The following CABIN1 variants were observed in gnomAD, a reference collection of about 807,000 sequenced individuals.
CABIN1 encodes calcineurin-binding protein cabin-1.
CABIN1 carries 133 observed loss-of-function variants against 227.7 expected under a neutral mutation model. The observed-to-expected ratio is 0.58, with a 90% confidence interval of 0.51 to 0.67. The LOEUF is 0.67. Ranked by LOEUF, CABIN1 falls within the 30% of genes least tolerant of loss-of-function variation. The probability of loss-of-function intolerance (pLI) is 0.00; values close to 1 mark genes in which losing one functional copy is unlikely to be tolerated. For synonymous variants in CABIN1, 1,086 were observed against 1,155.1 expected (o/e 0.94, Z 1.21); for missense variants, 2,408 against 2,852.5 (o/e 0.84, Z 3.55).
chr22:24,094,622 C>T (rs1294552241), intron 24 of CABIN1, among the ~76,000 whole-genome samples: 3 of 150,972 alleles, frequency 2.0e-5, no homozygotes, highest in Non-Finnish European at 4.4e-5. Context: ...TCGAGACCAT[C>T]CTGGCTAACA....
intron 1 of CABIN1, among the ~76,000 whole-genome samples, chr22:24,034,958 T>C (rs1985732374): frequency 6.6e-6 from 1 of 152,214 alleles, no homozygotes; most frequent in African/African-American, 2.4e-5. Flanking sequence ...ACATCCCTGC[T>C]CTAAGGCCTT....
intron 28 of CABIN1, among the ~76,000 whole-genome samples, chr22:24,123,772 A>C (rs2043557274): frequency 1.3e-5 from 2 of 152,350 alleles, no homozygotes; most frequent in South Asian, 2.1e-4. Flanking sequence ...TTTGTTAACA[A>C]ACACTTCCCG....
chr22:24,154,298 G>T (rs2045655463), intron 29 of CABIN1, among the ~76,000 whole-genome samples: 1 of 152,172 alleles, frequency 6.6e-6, no homozygotes, highest in Non-Finnish European at 1.5e-5. Context: ...ACAGCCCTGT[G>T]GACAGCCGGG....
intron 1 of CABIN1, among the ~76,000 whole-genome samples, chr22:24,018,992 T>C (rs1250142430): frequency 6.6e-6 from 1 of 152,082 alleles, no homozygotes; most frequent in South Asian, 2.1e-4. Context: ...TTCCTAAGTA[T>C]TTAATGATCT....
intron 11 of CABIN1, 122 bp from the exon 12 acceptor site, chr22:24,059,799 TATC>T: frequency 2.3e-6 from 2 of 853,322 alleles, no homozygotes; most frequent in Non-Finnish European, 3.9e-6. Context: ...CACAACGTGG[TATC>T]ATGTCCACCT....
chr22:24,163,977 A>C (rs1226967590), intron 29 of CABIN1, among the ~76,000 whole-genome samples: 1 of 152,184 alleles, frequency 6.6e-6, no homozygotes, highest in Non-Finnish European at 1.5e-5. Flanking sequence ...GCCTAGCCAG[A>C]GCTTCCCTGC....
intron 28 of CABIN1, among the ~76,000 whole-genome samples, chr22:24,132,931 G>C (rs2044161448): frequency 6.6e-6 from 1 of 152,210 alleles, no homozygotes; most frequent in Admixed American, 6.5e-5. Flanking sequence ...TCCTCCTAGG[G>C]TGCTAGAGCT....
At chr22:24,067,945 G>C (rs982566051) in intron 16 of CABIN1, among the ~76,000 whole-genome samples, 1 of 152,080 alleles carries the variant, frequency 6.6e-6, no homozygotes, top group African/African-American at 2.4e-5. Flanking sequence ...CGCAAAATAT[G>C]CTTAGTGGCA....
intron 29 of CABIN1, among the ~76,000 whole-genome samples, chr22:24,143,923 T>C (rs542487849): frequency 2.9e-4 from 44 of 152,258 alleles, no homozygotes; most frequent in African/African-American, 1.1e-3. Context: ...CAAAAGGGGC[T>C]CAGGTCAGTG....
intron 20 of CABIN1, among the ~76,000 whole-genome samples, 189 bp from the exon 21 acceptor site, chr22:24,084,390 C>T (rs1385897010): frequency 1.3e-5 from 2 of 151,990 alleles, no homozygotes; most frequent in Non-Finnish European, 2.9e-5. Flanking sequence ...AGGCGCTTGC[C>T]ACCGTGCCCA....
chr22:24,112,276 G>A (rs113419620), intron 26 of CABIN1, among the ~76,000 whole-genome samples: 2 of 152,312 alleles, frequency 1.3e-5, no homozygotes, highest in East Asian at 3.9e-4. Flanking sequence ...TAGGCTTTTA[G>A]TAGGGAAAGT....
At chr22:24,048,868 A>G (rs911255483) in intron 6 of CABIN1, among the ~76,000 whole-genome samples, 11 of 152,202 alleles carry the variant, frequency 7.2e-5, no homozygotes, top group African/African-American at 2.7e-4. Flanking sequence ...AAAAGATCCT[A>G]CGGTCTGTCC....
intron 29 of CABIN1, among the ~76,000 whole-genome samples, chr22:24,157,378 A>G (rs567681121): frequency 3.8e-4 from 58 of 152,208 alleles, no homozygotes; most frequent in African/African-American, 7.2e-4. Flanking sequence ...AGAAGGGGCA[A>G]TCTGGGCCAG....
At chr22:24,122,441 T>G (rs1602209260) in intron 28 of CABIN1, among the ~76,000 whole-genome samples, 1 of 151,450 alleles carries the variant, frequency 6.6e-6, no homozygotes, top group South Asian at 2.1e-4. Context: ...GGCACGGTGG[T>G]TCACGCCTGT....
chr22:24,015,587 G>A (rs933264447), intron 1 of CABIN1, among the ~76,000 whole-genome samples: 7 of 151,678 alleles, frequency 4.6e-5, no homozygotes, highest in Admixed American at 3.3e-4. Context: ...CTTGTGATCC[G>A]CCCGCCTCAG....
At chr22:24,168,574 C>G (rs2046595516) in intron 33 of CABIN1, 53 bp downstream of exon 33, 1 of 1,376,896 alleles carries the variant, frequency 7.3e-7, no homozygotes, top group East Asian at 2.5e-5. Flanking sequence ...TGCTCCATAT[C>G]AAGGCCCTAG....
intron 1 of CABIN1, among the ~76,000 whole-genome samples, chr22:24,024,601 A>G (rs965598919): frequency 6.6e-5 from 10 of 152,170 alleles, no homozygotes; most frequent in African/African-American, 2.4e-4. Context: ...TTCTTCGAAT[A>G]ATTTTTCTAC....
At chr22:24,082,757 T>C (rs1428742049) in intron 19 of CABIN1, among the ~76,000 whole-genome samples, 1 of 152,252 alleles carries the variant, frequency 6.6e-6, no homozygotes, top group Non-Finnish European at 1.5e-5. Context: ...TTAGCCCTAA[T>C]GAGATTTATC....
chr22:24,122,829 T>C (rs890539555), intron 28 of CABIN1, among the ~76,000 whole-genome samples: 3 of 152,216 alleles, frequency 2.0e-5, no homozygotes, highest in African/African-American at 4.8e-5. Context: ...TACCTGTATT[T>C]CTTCTCAACT....
Sources: gnomAD v4.1 joint callset for allele counts (sites outside exome capture counted in the v4.1 genomes callset) on GRCh38, gnomAD v4.1.1 for gene constraint, MANE v1.5 for transcripts, NCBI Gene and HGNC (gene_info 2026-07-23, HGNC 2026-07-21) for gene names.